The following MET variants were observed in gnomAD, a reference collection of about 807,000 sequenced individuals.
MET encodes the protein hepatocyte growth factor receptor.
A neutral mutation model predicts 133.1 loss-of-function variants in MET; 48 were observed. The ratio of observed to expected loss-of-function variants is 0.36; its 90% CI spans 0.29 to 0.46. MET has a LOEUF of 0.46. Among genes scored for constraint, MET ranks in the 20% least tolerant of loss-of-function variants. The pLI is 1.00. For synonymous variants in MET, 628 were observed against 616.5 expected (o/e 1.02, Z -0.28); for missense variants, 1,442 against 1,695.9 (o/e 0.85, Z 2.63).
At chr7:116,710,282 A>G (rs1444228421) in intron 2 of MET, among the ~76,000 whole-genome samples, 1 of 152,232 alleles carries the variant, frequency 6.6e-6, no homozygotes, top group Non-Finnish European at 1.5e-5. Flanking sequence ...GATTTGTAAT[A>G]TATAAGTAGT....
rs541156628 is a variant in MET, at chr7:116,777,477, G to T, written c.3340+8G>T. On this transcript the variant is annotated splice_region_variant and intron_variant, in intron 16 of 20. Transcript: ENST00000397752. Reference sequence around the variant, plus strand: ...CTGTGAAATCCTTGAACAGTAAGTGGCATTTTATTTAACCATGGAGTATAC... The same window carrying T: ...CTGTGAAATCCTTGAACAGTAAGTGTCATTTTATTTAACCATGGAGTATAC... 1 of 1,613,210 alleles carries T rather than the reference G, an allele frequency of 6.2e-7. No individual in the cohort carries two copies. Among genetic ancestry groups the T allele is most frequent in the South Asian group, 1.1e-5 (1 of 91,052 alleles).
At chr7:116,707,893 T>C (rs1791858968) in intron 2 of MET, among the ~76,000 whole-genome samples, 1 of 152,170 alleles carries the variant, frequency 6.6e-6, no homozygotes, top group South Asian at 2.1e-4. Context: ...ATCTTATTAG[T>C]TTAAGCCAAG....
intron 2 of MET, among the ~76,000 whole-genome samples, chr7:116,708,375 C>A (rs543980820): frequency 2.0e-4 from 30 of 152,242 alleles, no homozygotes; most frequent in Admixed American, 6.5e-4. Context: ...ACTTATTTCA[C>A]AAGCTTTACA....
chr7:116,781,187 A>T (rs1456968649), intron 17 of MET, among the ~76,000 whole-genome samples: 2 of 152,072 alleles, frequency 1.3e-5, no homozygotes, highest in African/African-American at 4.8e-5. Context: ...ACCCTGCCTT[A>T]CCAGTTTCTT....
In MET at chr7:116,699,333, G is replaced by C. The variant is rs751158831; in HGVS notation, c.249G>C (p.Glu83Asp). 7.4e-6 allele frequency: 12 copies of C among 1,613,928 alleles called. No homozygotes were observed. Among genetic ancestry groups the C allele is most frequent in the Non-Finnish European group, 9.3e-6 (11 of 1,179,960 alleles). Residue 83 changes from glutamate (E) to aspartate (D), a missense_variant, in exon 2 of 21, where the codon GAG (glutamate) becomes GAC (aspartate). Glu to Asp is a conservative substitution (Grantham distance 45, BLOSUM62 2). Transcript: ENST00000397752. ...LNEEDLQKVA[E>D]YKTGPVLEHP... Reference sequence around the variant, plus strand: ...AGGAAGACCTTCAGAAGGTTGCTGAGTACAAGACTGGGCCTGTGCTGGAAC... The same window carrying C: ...AGGAAGACCTTCAGAAGGTTGCTGACTACAAGACTGGGCCTGTGCTGGAAC...
chr7:116,732,626 A>C (rs1793061711), intron 3 of MET, among the ~76,000 whole-genome samples: 1 of 152,154 alleles, frequency 6.6e-6, no homozygotes, highest in South Asian at 2.1e-4. Flanking sequence ...GGAAATCTTG[A>C]ACTTCTGTGA....
In MET at chr7:116,741,052, A is replaced by G. The variant is rs1411623614; in HGVS notation, c.1701+27A>G. 8 of 1,582,922 alleles carry G rather than the reference A, an allele frequency of 5.1e-6. No individual in the cohort carries two copies. The South Asian group carries it at 8.0e-5, about 16-fold the overall frequency. Reference sequence around the variant, plus strand: ...TAGGAATCTCTAACAGCTGGCATACATGTTTTTGTTTGGTGTTTTTTTTTT... The same window carrying G: ...TAGGAATCTCTAACAGCTGGCATACGTGTTTTTGTTTGGTGTTTTTTTTTT... On this transcript the variant is annotated intron_variant, in intron 5 of 20. Coordinates refer to ENST00000397752, the MANE Select transcript of MET (RefSeq NM_000245.4).
Position 116,740,837 on chromosome 7 carries a change from C to T in MET, c.1528-15C>T, listed in dbSNP as rs1313942631. 3 of 1,613,788 alleles carry T rather than the reference C, an allele frequency of 1.9e-6. No individual in the cohort carries two copies. Among genetic ancestry groups the T allele is most frequent in the Non-Finnish European group, 2.5e-6 (3 of 1,179,992 alleles). ...ATACCCCTCTGGAAGCTCTTTCCACCCCTTCTCTTCACAGATCACGAAGAT... is the reference window on the plus strand; with the variant it reads ...ATACCCCTCTGGAAGCTCTTTCCACTCCTTCTCTTCACAGATCACGAAGAT... On this transcript the variant is annotated splice_polypyrimidine_tract_variant and intron_variant, in intron 4 of 20. Transcript: ENST00000397752.
chr7:116,754,885 GAGAAAGAGAGAA>G (rs1471617198), intron 5 of MET, among the ~76,000 whole-genome samples: 66 of 97,740 alleles, frequency 6.8e-4, no homozygotes, highest in South Asian at 4.2e-3. Flanking sequence ...GAGAGAGAGA[GAGAAAGAGAGAA>G]AGAAAGAAAG....
chr7:116,681,491 A>G (rs1394618775), intron 1 of MET, among the ~76,000 whole-genome samples: 1 of 152,214 alleles, frequency 6.6e-6, no homozygotes, highest in African/African-American at 2.4e-5. Context: ...GCTTTCCTTG[A>G]GGATACTACC....
At chr7:116,692,822 C>A (rs1243814393) in intron 1 of MET, among the ~76,000 whole-genome samples, 5 of 152,194 alleles carry the variant, frequency 3.3e-5, no homozygotes, top group African/African-American at 1.2e-4. Flanking sequence ...TTCACTTTCA[C>A]CTGATATGTG....
intron 2 of MET, among the ~76,000 whole-genome samples, chr7:116,700,578 A>C (rs573081576): frequency 2.0e-4 from 30 of 152,322 alleles, no homozygotes; most frequent in African/African-American, 7.0e-4. Context: ...TTTTATATTT[A>C]CACAGATTTT....
intron 3 of MET, among the ~76,000 whole-genome samples, chr7:116,738,967 T>C (rs1793344623): frequency 6.6e-6 from 1 of 152,192 alleles, no homozygotes; most frequent in African/African-American, 2.4e-5. Flanking sequence ...GCATGTTCAA[T>C]GCAATGTAAA....
In MET at chr7:116,740,960, G is replaced by C. The variant is rs774462373; in HGVS notation, c.1636G>C (p.Val546Leu). 6.2e-7 allele frequency: 1 copy of C among 1,614,046 alleles called. No homozygotes were observed. Residue 546 changes from valine to leucine, a missense_variant, in exon 5 of 21, where the codon GTG (valine) becomes CTG (leucine). Physicochemically the swap from Val to Leu is conservative, Grantham distance 32. This residue lies in a region of MET where 762 missense variants were observed against 792.4 expected (regional missense o/e 0.96). Transcript: ENST00000397752. ...GTGTGGCTGGTGCCACGACAAATGT[G>C]TGCGATCGGAGGAATGCCTGAGCGG... ...VQCGWCHDKC[V>L]RSEECLSGTW...
intron 10 of MET, among the ~76,000 whole-genome samples, chr7:116,761,895 A>G (rs755129209): frequency 2.6e-5 from 4 of 152,120 alleles, no homozygotes; most frequent in Non-Finnish European, 4.4e-5. Flanking sequence ...TGTCCTTTTT[A>G]TGTATATCCT....
intron 1 of MET, among the ~76,000 whole-genome samples, chr7:116,674,652 T>C (rs901736812): frequency 6.6e-6 from 1 of 152,200 alleles, no homozygotes; most frequent in South Asian, 2.1e-4. Flanking sequence ...TCCAAGTGGC[T>C]GCACCAAAGA....
chr7:116,745,671 G>C (rs1250817714), intron 5 of MET, among the ~76,000 whole-genome samples: 3 of 152,084 alleles, frequency 2.0e-5, no homozygotes, highest in East Asian at 3.9e-4. Context: ...CAAAAACAAG[G>C]TATGGGGAAA....
chr7:116,745,000 C>G (rs1793612287), intron 5 of MET, among the ~76,000 whole-genome samples: 1 of 152,200 alleles, frequency 6.6e-6, no homozygotes, highest in Non-Finnish European at 1.5e-5. Context: ...TCCCTGTTTG[C>G]AGATGACATG....
chr7:116,716,493 GAA>G (rs1275001923), intron 2 of MET, among the ~76,000 whole-genome samples: 1 of 146,598 alleles, frequency 6.8e-6, no homozygotes, highest in East Asian at 2.0e-4. Context: ...AAGAAAGAAA[GAA>G]AGAAAGAAAG....
Sources: allele counts gnomAD v4.1 joint callset (sites outside exome capture counted in the v4.1 genomes callset), GRCh38; gene constraint gnomAD v4.1.1; regional missense constraint gnomAD v4.1.1; transcripts MANE v1.5; gene names NCBI Gene and HGNC (gene_info 2026-07-23, HGNC 2026-07-21).